Variants in DLG2 observed in about 807,000 individuals in gnomAD.
The protein encoded by DLG2 is disks large homolog 2.
A neutral mutation model predicts 132.5 loss-of-function variants in DLG2; 45 were observed. That is an observed-to-expected ratio of 0.34 (90% confidence interval 0.27 to 0.44). The LOEUF (loss-of-function observed/expected upper bound fraction) is 0.44, where lower values mean the gene tolerates loss of function less well. DLG2 is among the 20% of genes least tolerant of loss of function. The pLI is 1.00. For synonymous variants in DLG2, 424 were observed against 419.6 expected, an observed-to-expected ratio of 1.01 and a Z score of -0.13; for missense variants, 1,045 against 1,196.9, an observed-to-expected ratio of 0.87 and a Z score of 1.87.
intron 6 of DLG2, among the ~76,000 whole-genome samples, chr11:84,582,714 C>T (rs934584951): frequency 6.6e-6 from 1 of 151,928 alleles, no homozygotes; most frequent in Non-Finnish European, 1.5e-5. Context: ...CAGCAAAAAA[C>T]TGAGGAGTGA....
chr11:85,435,708 G>T (rs1488496103), intron 3 of DLG2, among the ~76,000 whole-genome samples: 1 of 151,876 alleles, frequency 6.6e-6, no homozygotes, highest in African/African-American at 2.4e-5. Context: ...GATAGGAAGA[G>T]TTAATATTGT....
At chr11:84,266,271 G>A (rs2097632309) in intron 7 of DLG2, among the ~76,000 whole-genome samples, 1 of 152,182 alleles carries the variant, frequency 6.6e-6, no homozygotes, top group Non-Finnish European at 1.5e-5. Context: ...AAAGATAGCA[G>A]GCTCTTGCTT....
At chr11:84,657,709 C>CA (rs2099689922) in intron 6 of DLG2, among the ~76,000 whole-genome samples, 1 of 152,184 alleles carries the variant, frequency 6.6e-6, no homozygotes, top group Non-Finnish European at 1.5e-5. Context: ...CAGTAATACT[C>CA]AGTCACCTGC....
chr11:84,280,421 A>T (rs1400358561), intron 7 of DLG2, among the ~76,000 whole-genome samples: 1 of 151,654 alleles, frequency 6.6e-6, no homozygotes, highest in African/African-American at 2.4e-5. Flanking sequence ...GGCGCACACC[A>T]CCATGCCCAG....
At chr11:84,675,855 A>G (rs1429619004) in intron 6 of DLG2, among the ~76,000 whole-genome samples, 1 of 152,096 alleles carries the variant, frequency 6.6e-6, no homozygotes, top group African/African-American at 2.4e-5. Flanking sequence ...CAAAGGATTT[A>G]TGCACAGGGA....
intron 3 of DLG2, among the ~76,000 whole-genome samples, chr11:85,534,031 A>G (rs1450416635): frequency 6.6e-6 from 1 of 152,132 alleles, no homozygotes; most frequent in African/African-American, 2.4e-5. Context: ...TCTGTTGCCC[A>G]GGCTGAAGTG....
chr11:84,506,297 G>C (rs192467853), intron 7 of DLG2, among the ~76,000 whole-genome samples: 2,244 of 151,624 alleles, frequency 0.015, 50 homozygotes, highest in African/African-American at 0.052. Context: ...GGATGGTCTC[G>C]ATCTCCTGAC....
At chr11:84,970,338 ATACATCTACAG>A (rs2053921150) in intron 6 of DLG2, among the ~76,000 whole-genome samples, 1 of 152,110 alleles carries the variant, frequency 6.6e-6, no homozygotes, top group Non-Finnish European at 1.5e-5. Flanking sequence ...CTAAAGACTG[ATACATCTACAG>A]ATGCTCAAGG....
At chr11:83,584,916 A>G (rs1303098220) in intron 19 of DLG2, among the ~76,000 whole-genome samples, 1 of 152,240 alleles carries the variant, frequency 6.6e-6, no homozygotes, top group Admixed American at 6.5e-5. Flanking sequence ...TGAAATGTGC[A>G]TAAGACATGA....
intron 7 of DLG2, among the ~76,000 whole-genome samples, chr11:84,409,311 C>A (rs1192675230): frequency 6.6e-6 from 1 of 152,120 alleles, no homozygotes; most frequent in Non-Finnish European, 1.5e-5. Flanking sequence ...TCTCTCTCCT[C>A]CACAGGATCT....
At chr11:83,702,320 T>G (rs995812688) in intron 18 of DLG2, among the ~76,000 whole-genome samples, 1 of 152,190 alleles carries the variant, frequency 6.6e-6, no homozygotes, top group African/African-American at 2.4e-5. Flanking sequence ...TACTTAACAA[T>G]GGTATGAACT....
At chr11:84,172,441 C>G (rs1429494996) in intron 8 of DLG2, among the ~76,000 whole-genome samples, 1 of 152,104 alleles carries the variant, frequency 6.6e-6, no homozygotes, top group Non-Finnish European at 1.5e-5. Context: ...ATTACAAAAA[C>G]TTCCGAGCTC....
At chr11:83,479,844 T>C (rs963978517) in intron 22 of DLG2, among the ~76,000 whole-genome samples, 1 of 152,064 alleles carries the variant, frequency 6.6e-6, no homozygotes, top group African/African-American at 2.4e-5. Flanking sequence ...AAAAGTAAAG[T>C]TAGAAATGTC....
At chr11:84,934,525 G>GTTTTTTTTTTTTTTTTTTTTTTT (rs757894179) in intron 6 of DLG2, among the ~76,000 whole-genome samples, 11 of 38,622 alleles carry the variant, frequency 2.8e-4, no homozygotes, top group Non-Finnish European at 3.9e-4. Context: ...GTTTTGTTTT[G>GTTTTTTTTTTTTTTTTTTTTTTT]TTTTTTTTTT....
At chr11:84,550,149 CAT>C (rs1252800132) in intron 6 of DLG2, among the ~76,000 whole-genome samples, 74 of 149,310 alleles carry the variant, frequency 5.0e-4, no homozygotes, top group African/African-American at 1.6e-3. Context: ...CACACACACA[CAT>C]ACACACACAT....
chr11:84,562,045 A>G (rs2099429712), intron 6 of DLG2, among the ~76,000 whole-genome samples: 2 of 152,148 alleles, frequency 1.3e-5, no homozygotes. Context: ...GAATTTTTAA[A>G]AGTTAAAAAA....
At chr11:83,862,872 C>G (rs143261962) in intron 16 of DLG2, among the ~76,000 whole-genome samples, 106 of 152,110 alleles carry the variant, frequency 7.0e-4, no homozygotes, top group African/African-American at 2.4e-3. Context: ...CTTTAACAAG[C>G]CATCACTTGT....
intron 7 of DLG2, among the ~76,000 whole-genome samples, chr11:84,416,600 A>G (rs1412412777): frequency 1.3e-5 from 2 of 152,210 alleles, no homozygotes; most frequent in Non-Finnish European, 2.9e-5. Context: ...TTGGGATAAG[A>G]CATTTTGAGA....
At chr11:83,674,370 C>CAAATAAGG (rs2077338739) in intron 18 of DLG2, among the ~76,000 whole-genome samples, 1 of 152,132 alleles carries the variant, frequency 6.6e-6, no homozygotes, top group African/African-American at 2.4e-5. Context: ...GTCAGGAACT[C>CAAATAAGG]AACACACTTA....
Sources: gnomAD v4.1 joint callset for allele counts (sites outside exome capture counted in the v4.1 genomes callset) on GRCh38, gnomAD v4.1.1 for gene constraint, MANE v1.5 for transcripts, NCBI Gene and HGNC (gene_info 2026-07-23, HGNC 2026-07-21) for gene names.